OSBPL10: variants seen among roughly 807,000 people sequenced by gnomAD.
OSBPL10 encodes the protein oxysterol binding protein like 10, also known as oxysterol-binding protein-related protein 10.
OSBPL10 carries 49 observed loss-of-function variants against 81.7 expected under a neutral mutation model. The observed-to-expected ratio is 0.60, with a 90% CI of 0.48 to 0.76. The LOEUF (loss-of-function observed/expected upper bound fraction) is 0.76, where lower values mean the gene tolerates loss of function less well. OSBPL10 is among the 30% of genes least tolerant of loss of function. The pLI is 0.00. For synonymous variants in OSBPL10, 419 were observed against 383.6 expected (o/e 1.09, Z -1.08); for missense variants, 923 against 987.8 (o/e 0.93, Z 0.88).
chr3:32,046,808 A>C (rs1378551672), intron 1 of OSBPL10, among the ~76,000 whole-genome samples: 1 of 152,180 alleles, frequency 6.6e-6, no homozygotes, highest in Non-Finnish European at 1.5e-5. Context: ...TATTATCCCC[A>C]TTTTACAGAA....
intron 1 of OSBPL10, among the ~76,000 whole-genome samples, chr3:31,908,638 A>G (rs1261581716): frequency 1.3e-5 from 2 of 152,182 alleles, no homozygotes; most frequent in African/African-American, 2.4e-5. Flanking sequence ...CTGGACAGGA[A>G]AAAACATCAT....
At chr3:31,977,596 C>T (rs1218901171) in intron 1 of OSBPL10, among the ~76,000 whole-genome samples, 1 of 152,188 alleles carries the variant, frequency 6.6e-6, no homozygotes, top group Admixed American at 6.5e-5. Context: ...AGAGAGTACT[C>T]TAAGTGACAA....
rs115628520 is a variant in OSBPL10 at position 31,674,842 on chromosome 3, C to G, written c.1727-3859G>C. 5.6e-3 allele frequency among the ~76,000 whole-genome samples: 859 copies of G among 152,314 alleles called. 5 individuals are homozygous for G. The highest frequency in any genetic ancestry group is 0.02 in the African/African-American group (816 of 41,562). On this transcript the variant is annotated intron_variant, in intron 8 of 11. Transcript: ENST00000396556. Reference sequence around the variant, plus strand: ...ATTCCTTTATAGCAACACAAATGGACTAGGACACAACCCATCCTCTCGAGT... The same window carrying G: ...ATTCCTTTATAGCAACACAAATGGAGTAGGACACAACCCATCCTCTCGAGT...
chr3:32,014,494 G>A (rs1354592033), intron 2 of OSBPL10, among the ~76,000 whole-genome samples: 3 of 152,110 alleles, frequency 2.0e-5, no homozygotes, highest in Non-Finnish European at 4.4e-5. Flanking sequence ...ATATCATACT[G>A]AATGGGCAAA....
chr3:31,768,651 C>A (rs1035708533), intron 4 of OSBPL10, among the ~76,000 whole-genome samples: 2 of 152,132 alleles, frequency 1.3e-5, no homozygotes, highest in African/African-American at 4.8e-5. Flanking sequence ...AGGTAACCGG[C>A]AGCCTGAGGA....
At chr3:32,042,749 AG>A (rs940928708) in intron 2 of OSBPL10, among the ~76,000 whole-genome samples, 2 of 152,056 alleles carry the variant, frequency 1.3e-5, no homozygotes, top group African/African-American at 4.8e-5. Context: ...TCAAAAGGGG[AG>A]GGGGTGCAAG....
intron 3 of OSBPL10, among the ~76,000 whole-genome samples, chr3:31,843,637 C>T (rs2125559863): frequency 6.6e-6 from 1 of 152,266 alleles, no homozygotes; most frequent in African/African-American, 2.4e-5. Context: ...GCCCTCCTTC[C>T]TTTGCTGCCC....
At chr3:31,759,065 A>G (rs1330320250) in intron 4 of OSBPL10, among the ~76,000 whole-genome samples, 1 of 151,746 alleles carries the variant, frequency 6.6e-6, no homozygotes, top group Non-Finnish European at 1.5e-5. Flanking sequence ...ATTTCTACAC[A>G]AAGGTTAAAA....
At chr3:31,975,723 G>A (rs1374688295) in intron 1 of OSBPL10, among the ~76,000 whole-genome samples, 4 of 152,172 alleles carry the variant, frequency 2.6e-5, no homozygotes, top group African/African-American at 2.4e-5. Flanking sequence ...ACAGAACCAA[G>A]ACTTCTGATA....
At chr3:32,077,047 T>A (rs1373127394) in intron 1 of OSBPL10, among the ~76,000 whole-genome samples, 1 of 152,136 alleles carries the variant, frequency 6.6e-6, no homozygotes, top group African/African-American at 2.4e-5. Context: ...TTTGGCCAAT[T>A]TGTTAGCCCT....
rs1700077264 is a variant in OSBPL10 at position 31,661,837 on chromosome 3, T to A, written c.*235A>T. On this transcript the variant is annotated 3_prime_UTR_variant, in exon 12 of 12. Transcript: ENST00000396556. ...TACTCAGATGTTTACATAGTGCATG[T>A]GTGTGAACGTATACGGTGTGTACAC... 2.2e-6 allele frequency: 1 copy of A among 457,410 alleles called. No individual in the cohort carries two copies. The highest frequency in any genetic ancestry group is 3.8e-6 in the Non-Finnish European group (1 of 264,358). 28.3% of individuals were successfully genotyped at this position (457,410 alleles called of 1,614,324 possible). A position where few individuals can be genotyped will look rare whatever the true frequency, so the allele number is the denominator to read the frequency against.
intron 2 of OSBPL10, among the ~76,000 whole-genome samples, chr3:32,005,794 A>G (rs1000830435): frequency 7.3e-5 from 11 of 151,692 alleles, no homozygotes; most frequent in Non-Finnish European, 1.3e-4. Context: ...TCACCGTGTT[A>G]GCCGCATGGT....
At chr3:31,958,098 A>AG (rs1209528721) in intron 1 of OSBPL10, among the ~76,000 whole-genome samples, 15 of 152,196 alleles carry the variant, frequency 9.9e-5, no homozygotes, top group African/African-American at 3.6e-4. Flanking sequence ...ATTTGCAAGG[A>AG]GGGGTGCAGT....
At chr3:31,760,840 G>C (rs529726946) in intron 4 of OSBPL10, among the ~76,000 whole-genome samples, 3 of 152,086 alleles carry the variant, frequency 2.0e-5, no homozygotes, top group Admixed American at 2.0e-4. Context: ...ATTCCCTATG[G>C]CCGAACATTA....
chr3:31,811,100 C>T (rs1035968954), intron 4 of OSBPL10, among the ~76,000 whole-genome samples: 1 of 151,864 alleles, frequency 6.6e-6, no homozygotes, highest in East Asian at 1.9e-4. Flanking sequence ...AGGAAAAAGG[C>T]GCCTTCTCCT....
At chr3:31,920,621 T>C (rs376235252) in intron 1 of OSBPL10, among the ~76,000 whole-genome samples, 27 of 152,298 alleles carry the variant, frequency 1.8e-4, no homozygotes, top group African/African-American at 6.5e-4. Context: ...CCAAGTGATA[T>C]GGTTTGGATA....
intron 1 of OSBPL10, among the ~76,000 whole-genome samples, chr3:31,952,713 A>C (rs530454200): frequency 4.6e-5 from 7 of 152,136 alleles, no homozygotes; most frequent in African/African-American, 1.2e-4. Flanking sequence ...TGTCCCCCCA[A>C]CATCAGTTGG....
intron 4 of OSBPL10, among the ~76,000 whole-genome samples, chr3:31,767,170 G>A (rs1278418332): frequency 1.3e-5 from 2 of 152,152 alleles, no homozygotes; most frequent in Non-Finnish European, 2.9e-5. Flanking sequence ...TCTGGATTTT[G>A]CTACAATATT....
chr3:31,716,260 A>G (rs1575495945), intron 6 of OSBPL10, among the ~76,000 whole-genome samples: 2 of 152,198 alleles, frequency 1.3e-5, no homozygotes, highest in East Asian at 3.8e-4. Flanking sequence ...TACAAATCTT[A>G]TTGTACAGTT....
Sources: allele counts gnomAD v4.1 joint callset (sites outside exome capture counted in the v4.1 genomes callset), GRCh38; gene constraint gnomAD v4.1.1; transcripts MANE v1.5; gene names NCBI Gene and HGNC (gene_info 2026-07-23, HGNC 2026-07-21).